SSC5D: variants seen among roughly 807,000 people sequenced by gnomAD.
SSC5D encodes soluble scavenger receptor cysteine-rich domain-containing protein SSC5D.
A neutral mutation model predicts 104.6 loss-of-function variants in SSC5D; 106 were observed. That is an observed-to-expected ratio of 1.01 (90% confidence interval 0.87 to 1.19). SSC5D has a LOEUF of 1.19. Ranked by LOEUF, SSC5D falls within the 50% of genes most tolerant of loss-of-function variation. The pLI, the probability that SSC5D is intolerant of heterozygous loss-of-function variation, is 0.00. For synonymous variants in SSC5D, 860 were observed against 883.5 expected (o/e 0.97, Z 0.47); for missense variants, 1,993 against 2,153.8 (o/e 0.93, Z 1.48).
At position 55,490,862 on chromosome 19, in the gene SSC5D, G is replaced by C. The variant is rs1392029640; in HGVS notation, c.677G>C (p.Gly226Ala). The change falls in exon 6 of 14, where the codon GGC becomes GCC. Residue 226 changes from glycine (G) to alanine (A), a missense_variant. Around this residue, in one of 6 missense-constraint regions of SSC5D, gnomAD observed 1,101 missense variants for 1,085.0 expected, o/e 1.01. Transcript: ENST00000389623. Reference protein sequence around the residue: ...GGRWGTVCDDGWDLRDAAVAC... With the variant: ...GGRWGTVCDDAWDLRDAAVAC... ...CGCTGGGGCACCGTATGTGACGATG[G>C]CTGGGACCTGCGCGACGCTGCTGTA... 1.3e-6 allele frequency: 2 copies of C among 1,547,086 alleles called. No individual in the cohort carries two copies. The highest frequency in any genetic ancestry group is 1.7e-6 in the Non-Finnish European group (2 of 1,145,264).
intron 8 of SSC5D, among the ~76,000 whole-genome samples, chr19:55,497,430 G>A (rs1221039627): frequency 6.6e-6 from 1 of 152,168 alleles, no homozygotes; most frequent in Non-Finnish European, 1.5e-5. Context: ...TAATTGAGGT[G>A]ACATTCATGT....
chr19:55,498,192 G>A lies in SSC5D; in HGVS notation c.1700G>A (p.Cys567Tyr). ...CAHNEDVGVTCTGPPGLDSIS... is the reference protein window; with the variant it reads ...CAHNEDVGVTYTGPPGLDSIS... ...CACAATGAGGATGTTGGGGTCACCTGCACTGGTAAGGAGGCCCTAGCTATC... is the reference window on the plus strand; with the variant it reads ...CACAATGAGGATGTTGGGGTCACCTACACTGGTAAGGAGGCCCTAGCTATC... The change falls in exon 9 of 14, where the codon TGC (cysteine) becomes TAC (tyrosine). Residue 567 changes from cysteine to tyrosine, a missense_variant. This residue lies in a region of SSC5D where 1,101 missense variants were observed against 1,085.0 expected (regional missense o/e 1.01). Coordinates refer to ENST00000389623, the MANE Select transcript of SSC5D (RefSeq NM_001144950.2). 1.2e-5 allele frequency: 18 copies of A among 1,551,764 alleles called. No homozygotes were observed. Among genetic ancestry groups the A allele is most frequent in the Non-Finnish European group, 1.6e-5 (18 of 1,147,010 alleles).
Position 55,491,023 on chromosome 19 carries a change from A to C in SSC5D, c.838A>C (p.Ser280Arg). The change falls in exon 6 of 14, where the codon AGC (serine) becomes CGC (arginine). Residue 280 changes from serine (S) to arginine (R), a missense_variant. Physicochemically the swap from Ser to Arg is moderately radical, Grantham distance 110. This residue lies in a region of SSC5D where 1,101 missense variants were observed against 1,085.0 expected (regional missense o/e 1.01). Transcript: ENST00000389623. ...ACAGGCCCTCCGAGACTGCCCCCGAAGCCCCTGGGGCCGGAGCAACTGTGA... is the reference window on the plus strand; with the variant it reads ...ACAGGCCCTCCGAGACTGCCCCCGACGCCCCTGGGGCCGGAGCAACTGTGA... ...GEQALRDCPR[S>R]PWGRSNCDHS... is the part of the protein sequence containing the mutation. 6.5e-7 allele frequency: 1 copy of C among 1,549,984 alleles called. No individual in the cohort carries two copies. The highest frequency in any genetic ancestry group is 8.7e-7 in the Non-Finnish European group (1 of 1,146,692).
At position 55,517,592 on chromosome 19, in the gene SSC5D, T is replaced by C. The variant is rs1424093465; in HGVS notation, c.3316T>C (p.Ser1106Pro). 6.4e-7 allele frequency: 1 copy of C among 1,551,522 alleles called. No individual in the cohort carries two copies. Among genetic ancestry groups the C allele is most frequent in the East Asian group, 2.4e-5 (1 of 40,886 alleles). ...KELTSDPSTPSEVTSLSPTSE... is the reference protein window; with the variant it reads ...KELTSDPSTPPEVTSLSPTSE... ...GCTGACCTCTGACCCTTCTACACCG[T>C]CGGAGGTGACCAGCCTTTCCCCTAC... Residue 1106 changes from serine to proline, a missense_variant, in exon 14 of 14, where the codon TCG becomes CCG. Physicochemically the swap from Ser to Pro is moderately conservative, Grantham distance 74 (BLOSUM62 -1). This residue lies in a region of SSC5D where 423 missense variants were observed against 409.2 expected (regional missense o/e 1.03). Coordinates refer to ENST00000389623, the MANE Select transcript of SSC5D (RefSeq NM_001144950.2).
chr19:55,490,265 C>A, intron 4 of SSC5D, 33 bp from the exon 5 acceptor site: 1 of 715,652 alleles, frequency 1.4e-6, no homozygotes, highest in Non-Finnish European at 2.5e-6. Context: ...ATGAGGGGCT[C>A]AGCTCCTGAC....
chr19:55,490,035 T>C lies in SSC5D; in HGVS notation c.475+40T>C, dbSNP rs1237662632. 4 of 1,386,540 alleles carry C rather than the reference T, an allele frequency of 2.9e-6. No homozygotes were observed. The African/African-American group carries it at 5.1e-5, about 18-fold the overall frequency. The allele number at this position is 1,386,540 out of a possible 1,614,324, so 85.9% of individuals were successfully genotyped here. A position where few individuals can be genotyped will look rare whatever the true frequency, so the allele number is the denominator to read the frequency against. ...CTGCCCTGCCAACCCCCACCCAGCG[T>C]GCCCTCCTGCCCCCCCCGAGGGGAG... On this transcript the variant is annotated intron_variant, in intron 4 of 13. Coordinates refer to ENST00000389623, the MANE Select transcript of SSC5D (RefSeq NM_001144950.2).
chr19:55,505,398 T>C (rs1281028537), intron 12 of SSC5D, among the ~76,000 whole-genome samples: 1 of 151,866 alleles, frequency 6.6e-6, no homozygotes, highest in East Asian at 1.9e-4. Context: ...TGCTAGACTT[T>C]AAGCTCTGTG....
At chr19:55,499,752 C>G (rs1987420840) in intron 9 of SSC5D, 64 bp from the exon 10 acceptor site, 2 of 1,307,928 alleles carry the variant, frequency 1.5e-6, no homozygotes, top group Non-Finnish European at 2.1e-6. Flanking sequence ...AAGGAGGGGC[C>G]TGGGTAGATG....
Position 55,490,298 on chromosome 19 carries a change from C to T in SSC5D, c.476C>T (p.Ala159Val), listed in dbSNP as rs114976626. 0.033 allele frequency: 32,816 copies of T among 980,424 alleles called. 1,140 individuals are homozygous for T. The highest frequency in any genetic ancestry group is 0.14 in the African/African-American group (8,415 of 62,184). 60.7% of individuals were successfully genotyped at this position (980,424 alleles called of 1,614,324 possible). A position where few individuals can be genotyped will look rare whatever the true frequency, so the allele number is the denominator to read the frequency against. Reference protein sequence around the residue: ...PSTEEPLVTHAPRPAGNPQNA... With the variant: ...PSTEEPLVTHVPRPAGNPQNA... The stretch of plus-strand genomic sequence containing the variant: ...GACCCCTGGCTGTCTCCACTCCCAG[C>T]CCCCCGCCCAGCTGGGAACCCCCAG... The change falls in exon 5 of 14, where the codon GCC (alanine) becomes GTC (valine). Residue 159 changes from alanine to valine, a missense_variant and splice_region_variant. Physicochemically the swap from Ala to Val is moderately conservative, Grantham distance 64. Coordinates refer to ENST00000389623, the MANE Select transcript of SSC5D (RefSeq NM_001144950.2).
intron 12 of SSC5D, among the ~76,000 whole-genome samples, chr19:55,512,221 AAAAG>A (rs1457752177): frequency 1.3e-5 from 2 of 151,424 alleles, no homozygotes; most frequent in Non-Finnish European, 2.9e-5. Flanking sequence ...AAAAGAAAAG[AAAAG>A]AAAGCTGTTG....
chr19:55,515,243 A>G (rs1389653118), intron 13 of SSC5D, among the ~76,000 whole-genome samples: 1 of 151,770 alleles, frequency 6.6e-6, no homozygotes, highest in Non-Finnish European at 1.5e-5. Context: ...AAAATACAAA[A>G]AAATTAGCTG....
Position 55,500,433 on chromosome 19 carries a change from T to G in SSC5D, c.2302+21T>G. 2 of 1,548,756 alleles carry G rather than the reference T, an allele frequency of 1.3e-6. No individual in the cohort carries two copies. The highest frequency in any genetic ancestry group is 1.7e-6 in the Non-Finnish European group (2 of 1,144,974). Reference sequence around the variant, plus strand: ...ATCAGGTGAGTGGCCGTGAGGGGTGTGGGGAGAGAATGGGAGAGGCTGACC... The same window carrying G: ...ATCAGGTGAGTGGCCGTGAGGGGTGGGGGGAGAGAATGGGAGAGGCTGACC... On this transcript the variant is annotated intron_variant, in intron 10 of 13. Coordinates refer to ENST00000389623, the MANE Select transcript of SSC5D (RefSeq NM_001144950.2). The surrounding 1 kb of genome is among the most constrained non-coding windows in gnomAD (Gnocchi z 4.6).
intron 8 of SSC5D, among the ~76,000 whole-genome samples, chr19:55,496,679 C>T (rs1045216641): frequency 1.3e-5 from 2 of 152,008 alleles, no homozygotes; most frequent in Admixed American, 6.6e-5. Context: ...ACACTTGTTC[C>T]AGGGCGCACG....
chr19:55,489,388 C>T lies in SSC5D; in HGVS notation c.87C>T (p.Cys29=), dbSNP rs1046700811. 147 of 1,481,112 alleles carry T rather than the reference C, an allele frequency of 9.9e-5. No homozygotes were observed. The highest frequency in any genetic ancestry group is 1.2e-4 in the Non-Finnish European group (135 of 1,123,034). 91.7% of individuals were successfully genotyped at this position (1,481,112 alleles called of 1,614,324 possible). Residue 29 remains cysteine, a synonymous_variant, in exon 3 of 14, where the codon TGC becomes TGT. Transcript: ENST00000389623. ...GCCTGGCCGATGGCCCCCATGGGTG[C>T]GCTGGCCGCCTGGAGGTCTGGCATG... ...RLRLADGPHG[C]AGRLEVWHGG... is the part of the protein sequence containing the mutation.
In SSC5D at chr19:55,517,470, C is replaced by T; in HGVS notation, c.3194C>T (p.Thr1065Ile). ...ASRTNPDLIL[T>I]SPDFALSTPD... ...CGGACGAACCCCGACCTCATCTTGA[C>T]AAGCCCTGACTTTGCTTTGTCCACC... The change falls in exon 14 of 14, where the codon ACA becomes ATA. Residue 1065 changes from threonine to isoleucine, a missense_variant. Around this residue, in one of 6 missense-constraint regions of SSC5D, gnomAD observed 423 missense variants for 409.2 expected, o/e 1.03. Transcript: ENST00000389623. 12 of 1,551,204 alleles carry T rather than the reference C, an allele frequency of 7.7e-6. No individual in the cohort carries two copies. The highest frequency in any genetic ancestry group is 1.0e-5 in the Non-Finnish European group (12 of 1,146,902).
chr19:55,510,655 A>C (rs1987737509), intron 12 of SSC5D, among the ~76,000 whole-genome samples: 1 of 150,088 alleles, frequency 6.7e-6, no homozygotes, highest in East Asian at 2.0e-4. Flanking sequence ...CTGAAAATAT[A>C]TCTTTAGTGA....
At chr19:55,515,535 G>A (rs987392320) in intron 13 of SSC5D, among the ~76,000 whole-genome samples, 16 of 151,082 alleles carry the variant, frequency 1.1e-4, no homozygotes, top group African/African-American at 3.9e-4. Context: ...GATCGCGACC[G>A]TCCTGGCTAA....
chr19:55,508,390 C>T (rs963021580), intron 12 of SSC5D, among the ~76,000 whole-genome samples: 2 of 152,122 alleles, frequency 1.3e-5, no homozygotes, highest in South Asian at 2.1e-4. Flanking sequence ...GCTATTTTAT[C>T]GCGTGCTCTC....
chr19:55,494,559 C>T (rs765345995), intron 7 of SSC5D, 51 bp from the exon 8 acceptor site: 33 of 1,449,988 alleles, frequency 2.3e-5, no homozygotes, highest in Non-Finnish European at 2.6e-5. Flanking sequence ...GGTGCCGGCT[C>T]CGGGATGGAG....
Sources: gnomAD v4.1 joint callset for allele counts (sites outside exome capture counted in the v4.1 genomes callset) on GRCh38, gnomAD v4.1.1 for gene constraint, gnomAD v4.1.1 regional missense constraint, Gnocchi (gnomAD v3.1) non-coding constraint, MANE v1.5 for transcripts, NCBI Gene and HGNC (gene_info 2026-07-23, HGNC 2026-07-21) for gene names.